The following PHF13 variants were observed in gnomAD, a reference collection of about 807,000 sequenced individuals.
PHF13 encodes PHD finger protein 13.
PHF13 carries 1 observed loss-of-function variant against 25.8 expected under a neutral mutation model. The ratio of observed to expected loss-of-function variants is 0.04; its 90% CI spans 0.01 to 0.18. PHF13 has a LOEUF of 0.18. Ranked by LOEUF, PHF13 falls within the 10% of genes least tolerant of loss-of-function variation. PHF13 has a pLI of 1.00. For missense variants in PHF13, 306 were observed against 403.2 expected (o/e 0.76, Z 2.06); for synonymous variants, 195 against 162.4 (o/e 1.20, Z -1.53).
At chr1:6,618,666 C>T (rs67436983) in intron 2 of PHF13, among the ~76,000 whole-genome samples, 38,306 of 151,860 alleles carry the variant, frequency 0.25, 5,649 homozygotes, top group Non-Finnish European at 0.34. Flanking sequence ...TTTTTTGAGA[C>T]GGAGTCTTGC....
chr1:6,618,590 G>A (rs112617595), intron 2 of PHF13, among the ~76,000 whole-genome samples: 2,376 of 152,294 alleles, frequency 0.016, 34 homozygotes, highest in East Asian at 0.036. Context: ...CAAACTGCCA[G>A]CATTGGTTTA....
In PHF13 at chr1:6,620,046, G is replaced by T; in HGVS notation, c.385G>T (p.Ala129Ser). ...GAAGAGGAAGCGCAGGGACAGTGAT[G>T]CGCCTGGGAAAGAGGGGTACAGGGG... ...KKKRKRRDSDAPGKEGYRGGL... is the reference protein window; with the variant it reads ...KKKRKRRDSDSPGKEGYRGGL... The change falls in exon 3 of 4, where the codon GCG becomes TCG. Residue 129 changes from alanine (A) to serine (S), a missense_variant. Around this residue, in one of 5 missense-constraint regions of PHF13, gnomAD observed 186 missense variants for 164.0 expected, o/e 1.13. Coordinates refer to ENST00000377648, the MANE Select transcript of PHF13 (RefSeq NM_153812.3). 1.9e-6 allele frequency: 3 copies of T among 1,613,694 alleles called. No homozygotes were observed. The highest frequency in any genetic ancestry group is 1.7e-6 in the Non-Finnish European group (2 of 1,180,002).
Position 6,621,454 on chromosome 1 carries a change from A to G in PHF13, c.720A>G (p.Pro240=), listed in dbSNP as rs367645075. 39 of 1,613,864 alleles carry G rather than the reference A, an allele frequency of 2.4e-5. No individual in the cohort carries two copies. The highest frequency in any genetic ancestry group is 2.9e-5 in the Non-Finnish European group (34 of 1,180,018). Residue 240 remains proline, a synonymous_variant, in exon 4 of 4, where the codon CCA becomes CCG. Transcript: ENST00000377648. The surrounding 1 kb of genome is among the most constrained non-coding windows in gnomAD (Gnocchi z 4.8). ...WDLVTCFCMK[P]FAGRPMIECN... The stretch of plus-strand genomic sequence containing the variant: ...TCGTGACCTGCTTCTGCATGAAGCC[A>G]TTTGCCGGCCGCCCCATGATCGAGT...
intron 1 of PHF13, among the ~76,000 whole-genome samples, chr1:6,616,220 GGTTTCACCAT>G (rs1557444871): frequency 6.6e-6 from 1 of 151,788 alleles, no homozygotes; most frequent in African/African-American, 2.4e-5. Context: ...GTAGAGACGG[GGTTTCACCAT>G]GTTGGTCAGG....
In PHF13 at chr1:6,620,282, G is replaced by T; in HGVS notation, c.621G>T (p.Val207=). 1 of 1,613,808 alleles carries T rather than the reference G, an allele frequency of 6.2e-7. No individual in the cohort carries two copies. The highest frequency in any genetic ancestry group is 8.5e-7 in the Non-Finnish European group (1 of 1,179,984). ...CTATCGTCCGGCAGGGAAAGCAGGT[G>T]GTGTTCCGAGATGAGGACAGCACTG... is the stretch of plus-strand genomic sequence containing the variant. ...KRTIVRQGKQ[V]VFRDEDSTGN... Residue 207 remains valine (V), a synonymous_variant, in exon 3 of 4, where the codon GTG becomes GTT. Transcript: ENST00000377648.
In PHF13 at chr1:6,613,872, G is replaced by C. The variant is rs1292709666; in HGVS notation, c.-195G>C. The C allele has an allele frequency of 1.6e-5, 8 of 512,252 alleles. No homozygotes were observed. The highest frequency in any genetic ancestry group is 2.4e-5 in the Non-Finnish European group (7 of 292,848). 31.7% of individuals were successfully genotyped at this position (512,252 alleles called of 1,614,324 possible). On this transcript the variant is annotated 5_prime_UTR_variant, in exon 1 of 4. Coordinates refer to ENST00000377648, the MANE Select transcript of PHF13 (RefSeq NM_153812.3). ...GGAGCTGCATCGTCCACTCCGGTCG[G>C]CGGTGGAACCGCCAGTCCGGGGTCA...
rs533010161 is a variant in PHF13, at chr1:6,621,660, C to T, written c.*23C>T. On this transcript the variant is annotated 3_prime_UTR_variant, in exon 4 of 4. Coordinates refer to ENST00000377648, the MANE Select transcript of PHF13 (RefSeq NM_153812.3). This position sits in a 1 kb window ranked among gnomAD's most constrained non-coding sequence, Gnocchi z 4.8. ...TGACTGCTGGCTGGCGAGGAGGCTG[C>T]GAGCGTGGAATCGGAAGCGACCGCG... The T allele has an allele frequency of 1.2e-5, 20 of 1,610,856 alleles. No homozygotes were observed. The highest frequency in any genetic ancestry group is 2.2e-5 in the South Asian group (2 of 91,018).
chr1:6,618,959 T>C (rs536277411), intron 2 of PHF13, among the ~76,000 whole-genome samples: 1 of 152,280 alleles, frequency 6.6e-6, no homozygotes, highest in African/African-American at 2.4e-5. Flanking sequence ...ATGCCTGTTT[T>C]CTAGCAAGAC....
At position 6,620,070 on chromosome 1, in the gene PHF13, G is replaced by T; in HGVS notation, c.409G>T (p.Gly137Trp). Residue 137 changes from glycine to tryptophan, a missense_variant, in exon 3 of 4, where the codon GGG becomes TGG. Physicochemically the swap from Gly to Trp is radical, Grantham distance 184 (BLOSUM62 -2). Coordinates refer to ENST00000377648, the MANE Select transcript of PHF13 (RefSeq NM_153812.3). ...TGCGCCTGGGAAAGAGGGGTACAGG[G>T]GGGGCTTGCTGAAGCTGGAAGCCGC... Reference protein sequence around the residue: ...SDAPGKEGYRGGLLKLEAADP... With the variant: ...SDAPGKEGYRWGLLKLEAADP... 1.9e-6 allele frequency: 3 copies of T among 1,613,516 alleles called. No homozygotes were observed. The highest frequency in any genetic ancestry group is 2.5e-6 in the Non-Finnish European group (3 of 1,180,012).
In PHF13 at chr1:6,620,330, G is replaced by A. The variant is rs777222869; in HGVS notation, c.669G>A (p.Val223=). Residue 223 remains valine (V), a synonymous_variant, in exon 3 of 4, where the codon GTG becomes GTA. Coordinates refer to ENST00000377648, the MANE Select transcript of PHF13 (RefSeq NM_153812.3). ...DSTGNDEDIM[V]DSDDDSWDLV... is the part of the protein sequence containing the mutation. Reference sequence around the variant, plus strand: ...CTGGCAATGATGAGGACATCATGGTGGACTCAGGTGAGTGGTCCCTGAAGG... The same window carrying A: ...CTGGCAATGATGAGGACATCATGGTAGACTCAGGTGAGTGGTCCCTGAAGG... The A allele has an allele frequency of 6.2e-7, 1 of 1,610,760 alleles. No individual in the cohort carries two copies. The highest frequency in any genetic ancestry group is 8.5e-7 in the Non-Finnish European group (1 of 1,178,018).
intron 2 of PHF13, among the ~76,000 whole-genome samples, chr1:6,618,215 G>C (rs1321071334): frequency 6.6e-6 from 1 of 151,870 alleles, no homozygotes. Context: ...GCTCACTGCA[G>C]CCTCTTTCTC....
chr1:6,616,375 C>A (rs1239591069), intron 1 of PHF13, among the ~76,000 whole-genome samples: 1 of 152,162 alleles, frequency 6.6e-6, no homozygotes, highest in African/African-American at 2.4e-5. Context: ...CCAGCTGCTG[C>A]TGCAGCAGTT....
chr1:6,614,181 C>A, intron 1 of PHF13, 76 bp downstream of exon 1: 1 of 1,442,628 alleles, frequency 6.9e-7, no homozygotes, highest in Non-Finnish European at 9.6e-7. Flanking sequence ...AGCCAGACCC[C>A]CGGTCGCCCG....
intron 1 of PHF13, among the ~76,000 whole-genome samples, chr1:6,616,496 A>G (rs1410065840): frequency 6.6e-6 from 1 of 152,246 alleles, no homozygotes; most frequent in East Asian, 1.9e-4. Flanking sequence ...GCACTAAGAA[A>G]TAGACTTTTG....
intron 2 of PHF13, among the ~76,000 whole-genome samples, chr1:6,618,571 T>G (rs1641293886): frequency 1.3e-5 from 2 of 152,236 alleles, no homozygotes; most frequent in Non-Finnish European, 2.9e-5. Context: ...TCAGTATATT[T>G]CTAGCAGGCA....
Position 6,613,775 on chromosome 1 carries a change from G to T in PHF13, c.-292G>T. On this transcript the variant is annotated 5_prime_UTR_variant, in exon 1 of 4. Transcript: ENST00000377648. ...GAGCCGAACTGGGCGTCAGGTCGGGGAGCCGGTCGGGTTCCCGCTCACCGC... is the reference window on the plus strand; with the variant it reads ...GAGCCGAACTGGGCGTCAGGTCGGGTAGCCGGTCGGGTTCCCGCTCACCGC... The T allele has an allele frequency of 3.0e-6, 1 of 335,958 alleles. No individual in the cohort carries two copies. The highest frequency in any genetic ancestry group is 5.5e-6 in the Non-Finnish European group (1 of 183,074). 20.8% of individuals were successfully genotyped at this position (335,958 alleles called of 1,614,324 possible). A position where few individuals can be genotyped will look rare whatever the true frequency, so the allele number is the denominator to read the frequency against.
chr1:6,621,179 C>T lies in PHF13; in HGVS notation c.677-232C>T, dbSNP rs1641333548. On this transcript the variant is annotated intron_variant, in intron 3 of 3. Coordinates refer to ENST00000377648, the MANE Select transcript of PHF13 (RefSeq NM_153812.3). The surrounding 1 kb of genome is among the most constrained non-coding windows in gnomAD (Gnocchi z 4.8). ...CACCACTGCACTCCAGCCAGGGTGACAGAGTGAGACCCTGTCTTAGGGAAA... is the reference window on the plus strand; with the variant it reads ...CACCACTGCACTCCAGCCAGGGTGATAGAGTGAGACCCTGTCTTAGGGAAA... Among the ~76,000 whole-genome samples the T allele has an allele frequency of 6.7e-6, 1 of 149,842 alleles. No individual in the cohort carries two copies. The highest frequency in any genetic ancestry group is 1.5e-5 in the Non-Finnish European group (1 of 67,656).
chr1:6,616,263 G>C (rs921344077), intron 1 of PHF13, among the ~76,000 whole-genome samples: 1 of 151,912 alleles, frequency 6.6e-6, no homozygotes, highest in African/African-American at 2.4e-5. Flanking sequence ...TCCTGACCTC[G>C]TGATCCGCCC....
Position 6,616,764 on chromosome 1 carries a change from C to T in PHF13, c.47C>T (p.Ser16Phe). 6.2e-7 allele frequency: 1 copy of T among 1,613,684 alleles called. No individual in the cohort carries two copies. The highest frequency in any genetic ancestry group is 8.5e-7 in the Non-Finnish European group (1 of 1,179,576). Residue 16 changes from serine (S) to phenylalanine (F), a missense_variant, in exon 2 of 4, where the codon TCC becomes TTC. Physicochemically the swap from Ser to Phe is radical, Grantham distance 155. Around this residue, in one of 5 missense-constraint regions of PHF13, gnomAD observed 31 missense variants for 23.9 expected, o/e 1.30. Transcript: ENST00000377648. ...TTTCTCTCCCCTTAATAGGAATACT[C>T]CCCCAGTTGCAAGAGGCGCAGGACC... is the stretch of plus-strand genomic sequence containing the variant. ...CAAAFHPEEY[S>F]PSCKRRRTVE...
Sources: gnomAD v4.1 joint callset for allele counts (sites outside exome capture counted in the v4.1 genomes callset) on GRCh38, gnomAD v4.1.1 for gene constraint, gnomAD v4.1.1 regional missense constraint, Gnocchi (gnomAD v3.1) non-coding constraint, MANE v1.5 for transcripts, NCBI Gene and HGNC (gene_info 2026-07-23, HGNC 2026-07-21) for gene names.